Variants in NOL4 observed in about 807,000 individuals in gnomAD.
The protein encoded by NOL4 is cancer/testis antigen 125.
Under a neutral mutation model 75.9 loss-of-function variants are expected in NOL4, and 17 were observed. That is an observed-to-expected ratio of 0.22 (90% CI 0.15 to 0.34). The LOEUF is 0.34. NOL4 is among the 10% of genes least tolerant of loss of function. NOL4 has a pLI of 1.00. For synonymous variants in NOL4, 292 were observed against 289.9 expected (o/e 1.01, Z -0.07); for missense variants, 614 against 793.5 (o/e 0.77, Z 2.72).
chr18:34,133,030 G>A (rs192412450), intron 1 of NOL4, among the ~76,000 whole-genome samples: 1 of 152,074 alleles, frequency 6.6e-6, no homozygotes, highest in East Asian at 1.9e-4. Context: ...AGCAATTTGG[G>A]AGGAGGCAGA....
chr18:33,985,623 G>A (rs1051994121), intron 6 of NOL4, among the ~76,000 whole-genome samples: 1 of 151,980 alleles, frequency 6.6e-6, no homozygotes, highest in African/African-American at 2.4e-5. Context: ...CTCATGTCTT[G>A]TCTTCCTCAA....
At chr18:33,924,073 T>A (rs1173880042) in intron 9 of NOL4, among the ~76,000 whole-genome samples, 1 of 152,176 alleles carries the variant, frequency 6.6e-6, no homozygotes. Flanking sequence ...ACTTGTATAT[T>A]AATGTTCAAA....
intron 6 of NOL4, among the ~76,000 whole-genome samples, chr18:33,991,555 G>C (rs2072918292): frequency 6.6e-6 from 1 of 151,662 alleles, no homozygotes; most frequent in Non-Finnish European, 1.5e-5. Context: ...TTGTGGTGTT[G>C]GTGAGTGCTA....
chr18:34,014,250 T>C (rs552834995), intron 6 of NOL4, among the ~76,000 whole-genome samples: 4 of 151,910 alleles, frequency 2.6e-5, no homozygotes, highest in African/African-American at 7.2e-5. Context: ...TGAAACACAG[T>C]GGACAAAATA....
intron 5 of NOL4, among the ~76,000 whole-genome samples, chr18:34,069,975 C>G (rs564849072): frequency 1.1e-4 from 16 of 152,232 alleles, no homozygotes; most frequent in Non-Finnish European, 2.1e-4. Context: ...TAGCCCACCT[C>G]CAGCTTCGCT....
chr18:34,031,122 G>A (rs2075619671), intron 5 of NOL4, among the ~76,000 whole-genome samples: 1 of 152,068 alleles, frequency 6.6e-6, no homozygotes, highest in Non-Finnish European at 1.5e-5. Context: ...ATCTCAGTTT[G>A]AATAACAAAA....
At chr18:34,209,142 T>C (rs904415880) in intron 1 of NOL4, among the ~76,000 whole-genome samples, 3 of 133,950 alleles carry the variant, frequency 2.2e-5, no homozygotes, top group African/African-American at 8.6e-5. Flanking sequence ...ACCTGGGATC[T>C]GAGATCACAC....
chr18:33,992,703 A>G (rs1435187353), intron 6 of NOL4, among the ~76,000 whole-genome samples: 1 of 152,012 alleles, frequency 6.6e-6, no homozygotes, highest in East Asian at 1.9e-4. Flanking sequence ...TTATTGCTAA[A>G]GCCAAGTTCT....
At chr18:34,187,858 G>A (rs2034612174) in intron 1 of NOL4, among the ~76,000 whole-genome samples, 1 of 152,142 alleles carries the variant, frequency 6.6e-6, no homozygotes. Context: ...ATACCAAGGA[G>A]TCTGATTGCA....
intron 1 of NOL4, among the ~76,000 whole-genome samples, chr18:34,190,222 AGATT>A (rs2034814131): frequency 6.6e-6 from 1 of 151,908 alleles, no homozygotes; most frequent in African/African-American, 2.4e-5. Flanking sequence ...GTGGCAAAAC[AGATT>A]GATTGATATT....
chr18:34,197,816 C>A (rs1178880097), intron 1 of NOL4, among the ~76,000 whole-genome samples: 1 of 151,704 alleles, frequency 6.6e-6, no homozygotes, highest in East Asian at 1.9e-4. Flanking sequence ...ATCAATAGAT[C>A]TATCAATTAC....
intron 10 of NOL4, 53 bp from the exon 11 acceptor site, chr18:33,853,088 C>T (rs1217049481): frequency 4.1e-6 from 6 of 1,453,060 alleles, no homozygotes; most frequent in Non-Finnish European, 5.6e-6. Flanking sequence ...GTTCCAGCAT[C>T]TTGGATGTGA....
intron 1 of NOL4, among the ~76,000 whole-genome samples, chr18:34,187,884 TA>T (rs1346099643): frequency 2.0e-5 from 3 of 152,172 alleles, no homozygotes; most frequent in African/African-American, 7.2e-5. Context: ...CTGTTTTATT[TA>T]AAAAACCATG....
chr18:34,025,044 C>G (rs181934063), intron 5 of NOL4, among the ~76,000 whole-genome samples: 4 of 152,222 alleles, frequency 2.6e-5, no homozygotes, highest in Admixed American at 2.0e-4. Flanking sequence ...CTAAAGATGA[C>G]TAACAGCCCT....
chr18:33,947,181 T>G (rs1384217487), intron 8 of NOL4, among the ~76,000 whole-genome samples: 1 of 151,868 alleles, frequency 6.6e-6, no homozygotes, highest in Non-Finnish European at 1.5e-5. Context: ...TAAATTTTTC[T>G]CATTATAAAA....
chr18:34,188,798 A>G (rs896064988), intron 1 of NOL4, among the ~76,000 whole-genome samples: 1 of 152,186 alleles, frequency 6.6e-6, no homozygotes, highest in Non-Finnish European at 1.5e-5. Context: ...TCAAACCATC[A>G]TAAGTCCATC....
intron 6 of NOL4, among the ~76,000 whole-genome samples, chr18:33,999,143 G>C (rs1237798929): frequency 7.5e-6 from 1 of 133,592 alleles, no homozygotes; most frequent in African/African-American, 2.7e-5. Flanking sequence ...ATAATGCTGA[G>C]TTTTTTTTTT....
At chr18:33,884,481 A>C (rs1297386820) in intron 9 of NOL4, among the ~76,000 whole-genome samples, 3 of 152,158 alleles carry the variant, frequency 2.0e-5, no homozygotes, top group African/African-American at 7.2e-5. Flanking sequence ...TGAGGAAATA[A>C]AACGTTTAAA....
chr18:34,153,528 A>G (rs151274746), intron 1 of NOL4, among the ~76,000 whole-genome samples: 300 of 152,128 alleles, frequency 2.0e-3, no homozygotes, highest in African/African-American at 6.7e-3. Context: ...CTGAGACTCA[A>G]ATAAATGAAT....
Sources: allele counts gnomAD v4.1 joint callset (sites outside exome capture counted in the v4.1 genomes callset), GRCh38; gene constraint gnomAD v4.1.1; transcripts MANE v1.5; gene names NCBI Gene and HGNC (gene_info 2026-07-23, HGNC 2026-07-21).